RBFOX1: variants seen among roughly 807,000 people sequenced by gnomAD.
RBFOX1 encodes the protein RNA binding protein fox-1 homolog 1.
RBFOX1 carries 8 observed loss-of-function variants against 57.7 expected under a neutral mutation model. That is an observed-to-expected ratio of 0.14 (90% CI 0.08 to 0.25). The LOEUF is 0.25. RBFOX1 is among the 10% of genes least tolerant of loss of function. The pLI, the probability that RBFOX1 is intolerant of heterozygous loss-of-function variation, is 1.00. For missense variants in RBFOX1, 611 were observed against 548.5 expected, an observed-to-expected ratio of 1.11 and a Z score of -1.14; for synonymous variants, 326 against 222.4, an observed-to-expected ratio of 1.47 and a Z score of -4.15.
intron 4 of RBFOX1, among the ~76,000 whole-genome samples, chr16:7,491,185 C>G (rs936195496): frequency 3.3e-5 from 5 of 152,076 alleles, no homozygotes; most frequent in Non-Finnish European, 4.4e-5. Context: ...CTTCAACCAC[C>G]CACTTACCCA....
intron 3 of RBFOX1, among the ~76,000 whole-genome samples, chr16:6,752,740 C>A (rs1313213397): frequency 6.6e-6 from 1 of 152,094 alleles, no homozygotes; most frequent in Admixed American, 6.6e-5. Context: ...ACTTTCCTAT[C>A]CCCCTTTCCC....
At chr16:7,463,460 C>A (rs185822669) in intron 4 of RBFOX1, among the ~76,000 whole-genome samples, 1 of 152,128 alleles carries the variant, frequency 6.6e-6, no homozygotes, top group Non-Finnish European at 1.5e-5. Flanking sequence ...GCCAAGATTG[C>A]GTCACTGCGT....
intron 3 of RBFOX1, among the ~76,000 whole-genome samples, chr16:6,848,900 A>C (rs1567544246): frequency 6.6e-6 from 1 of 152,136 alleles, no homozygotes; most frequent in African/African-American, 2.4e-5. Flanking sequence ...AGAAAACGAT[A>C]GTGTTGCAAA....
intron 1 of RBFOX1, among the ~76,000 whole-genome samples, chr16:5,283,718 C>A (rs1209253471): frequency 2.0e-5 from 3 of 152,196 alleles, no homozygotes; most frequent in Non-Finnish European, 4.4e-5. Context: ...TGTGTTTACC[C>A]AGTGCCTATA....
At chr16:5,850,632 T>G (rs2151863608) in intron 3 of RBFOX1, among the ~76,000 whole-genome samples, 1 of 152,294 alleles carries the variant, frequency 6.6e-6, no homozygotes, top group East Asian at 1.9e-4. Context: ...CATGATCACA[T>G]TTACTCCCTA....
intron 15 of RBFOX1, chr16:7,710,396 A>C: frequency 7.2e-7 from 1 of 1,385,988 alleles, no homozygotes; most frequent in Non-Finnish European, 9.3e-7. Context: ...AGCTAAGAGG[A>C]CTGGCTGACA....
intron 3 of RBFOX1, among the ~76,000 whole-genome samples, chr16:6,791,057 C>T (rs921085068): frequency 6.6e-6 from 1 of 151,974 alleles, no homozygotes; most frequent in South Asian, 2.1e-4. Flanking sequence ...AGGCATGCCA[C>T]CACAATACCT....
chr16:6,345,074 G>A (rs2085164713), intron 2 of RBFOX1, among the ~76,000 whole-genome samples: 1 of 152,160 alleles, frequency 6.6e-6, no homozygotes, highest in Admixed American at 6.5e-5. Flanking sequence ...ATGTTTGGAA[G>A]AGCAAGACAC....
At chr16:7,650,509 T>C (rs2064811237) in intron 11 of RBFOX1, among the ~76,000 whole-genome samples, 1 of 152,158 alleles carries the variant, frequency 6.6e-6, no homozygotes, top group South Asian at 2.1e-4. Flanking sequence ...TTTCTCCCTG[T>C]AATGAAGAGG....
intron 2 of RBFOX1, among the ~76,000 whole-genome samples, chr16:6,428,855 G>A (rs533896458): frequency 6.6e-6 from 1 of 152,278 alleles, no homozygotes; most frequent in South Asian, 2.1e-4. Flanking sequence ...CACAAACGAG[G>A]CTGTGATTGT....
intron 4 of RBFOX1, among the ~76,000 whole-genome samples, chr16:7,364,926 A>C (rs1353141149): frequency 6.6e-6 from 1 of 152,216 alleles, no homozygotes; most frequent in Non-Finnish European, 1.5e-5. Context: ...TGAATGTGTC[A>C]ATTAGATGCC....
At position 5,811,917 on chromosome 16, in the gene RBFOX1, G is replaced by C. The variant is rs1171024891; in HGVS notation, c.319-55386G>C. ...TCACCTCAGAAATATCTCATTTGTA[G>C]TTAATCTACTCTCCCTCAACCTCCA... On this transcript the variant is annotated intron_variant, in intron 3 of 19. Coordinates refer to the RBFOX1 transcript ENST00000641259. 2.0e-5 allele frequency among the ~76,000 whole-genome samples: 3 copies of C among 152,256 alleles called. No homozygotes were observed. In the South Asian group the frequency reaches 6.2e-4, roughly 32 times the overall value.
chr16:7,383,524 G>A (rs2097821590), intron 4 of RBFOX1, among the ~76,000 whole-genome samples: 1 of 152,080 alleles, frequency 6.6e-6, no homozygotes, highest in Non-Finnish European at 1.5e-5. Context: ...CATCTTTTGA[G>A]TTCCCAGTGA....
chr16:7,165,773 G>A (rs969361400), intron 4 of RBFOX1, among the ~76,000 whole-genome samples: 2 of 151,958 alleles, frequency 1.3e-5, no homozygotes, highest in Non-Finnish European at 2.9e-5. Context: ...CCAATTCTTA[G>A]ACCTGTGACT....
At chr16:7,461,821 G>T (rs1385663116) in intron 4 of RBFOX1, among the ~76,000 whole-genome samples, 4 of 6,210 alleles carry the variant, frequency 6.4e-4, no homozygotes, top group African/African-American at 1.3e-3. Context: ...ATATCTCTTA[G>T]CGACTTCTGG....
intron 2 of RBFOX1, among the ~76,000 whole-genome samples, chr16:6,365,414 G>T (rs770919835): frequency 1.3e-4 from 20 of 151,928 alleles, no homozygotes; most frequent in Non-Finnish European, 2.5e-4. Context: ...ATGGATGGAT[G>T]GGTAGGTGGA....
chr16:7,561,308 A>C (rs1045188582), intron 5 of RBFOX1, among the ~76,000 whole-genome samples: 1 of 152,212 alleles, frequency 6.6e-6, no homozygotes, highest in Non-Finnish European at 1.5e-5. Flanking sequence ...ATGATGCCCA[A>C]CTATTCACTC....
intron 11 of RBFOX1, among the ~76,000 whole-genome samples, chr16:7,652,118 C>G (rs1230336395): frequency 6.6e-6 from 1 of 152,064 alleles, no homozygotes; most frequent in Non-Finnish European, 1.5e-5. Context: ...GTTTGGGAAA[C>G]ATTGCCTGCT....
rs528365799 is a variant in RBFOX1 at position 6,572,466 on chromosome 16, G to A, written c.-63-82137G>A. Among the ~76,000 whole-genome samples, 18 of 152,258 alleles carry A rather than the reference G, an allele frequency of 1.2e-4. No individual in the cohort carries two copies. The South Asian group carries it at 1.5e-3, about 12-fold the overall frequency. ...GGCTCTTATCTAAGAGACACTAAGC[G>A]TGCATGTACAAATATATATAAACTC... On this transcript the variant is annotated intron_variant, in intron 2 of 15. Transcript: ENST00000550418.
Sources: gnomAD v4.1 joint callset for allele counts (sites outside exome capture counted in the v4.1 genomes callset) on GRCh38, gnomAD v4.1.1 for gene constraint, MANE v1.5 for transcripts, NCBI Gene and HGNC (gene_info 2026-07-23, HGNC 2026-07-21) for gene names.